NCOR1: variants seen among roughly 807,000 people sequenced by gnomAD.
NCOR1 encodes nuclear receptor corepressor 1, also known as protein phosphatase 1, regulatory subunit 109.
In NCOR1, 63 loss-of-function variants were observed where a neutral mutation model predicts 288.1. That is an observed-to-expected ratio of 0.22 (90% CI 0.18 to 0.27). NCOR1 has a LOEUF of 0.27. NCOR1 is among the 10% of genes least tolerant of loss of function. The pLI is 1.00. For synonymous variants in NCOR1, 1,007 were observed against 1,065.9 expected (o/e 0.94, Z 1.08); for missense variants, 2,397 against 3,019.2 (o/e 0.79, Z 4.83).
intron 1 of NCOR1, among the ~76,000 whole-genome samples, chr17:16,197,999 T>A (rs1434321426): frequency 6.6e-6 from 1 of 152,002 alleles, no homozygotes; most frequent in Non-Finnish European, 1.5e-5. Flanking sequence ...ACTCACACTT[T>A]TTCCCCTATG....
In NCOR1 at chr17:16,165,139, T is replaced by C; in HGVS notation, c.458A>G (p.His153Arg). Residue 153 changes from histidine to arginine, a missense_variant, in exon 5 of 46, where the codon CAT becomes CGT. His to Arg is a conservative substitution (Grantham distance 29). Transcript: ENST00000268712. ...AKKDPAFGGK[H>R]EAPSSPISGQ... ...CGAAATTGGAGAGGATGGAGCTTCATGTTTGCCTCCGAATGCTGGATCCTT... is the reference window on the plus strand; with the variant it reads ...CGAAATTGGAGAGGATGGAGCTTCACGTTTGCCTCCGAATGCTGGATCCTT... 2 of 1,598,084 alleles carry C rather than the reference T, an allele frequency of 1.3e-6. No homozygotes were observed. Among genetic ancestry groups the C allele is most frequent in the Non-Finnish European group, 8.5e-7 (1 of 1,176,422 alleles).
At chr17:16,183,230 C>CAAAAAAAAAAA (rs59665102) in intron 3 of NCOR1, among the ~76,000 whole-genome samples, 2 of 64,078 alleles carry the variant, frequency 3.1e-5, no homozygotes, top group African/African-American at 4.6e-5. Context: ...AGCAATCAAA[C>CAAAAAAAAAAA]AAAAAAAAAA....
At chr17:16,041,844 C>T (rs572118446) in intron 42 of NCOR1, among the ~76,000 whole-genome samples, 2 of 152,262 alleles carry the variant, frequency 1.3e-5, no homozygotes, top group South Asian at 4.1e-4. Context: ...TCACGCCACT[C>T]TCCTGCCTCA....
chr17:16,060,652 G>A (rs1346280893), intron 37 of NCOR1, among the ~76,000 whole-genome samples: 2 of 152,102 alleles, frequency 1.3e-5, no homozygotes, highest in African/African-American at 4.8e-5. Flanking sequence ...TTGCATTCTG[G>A]AGCATGAGAA....
intron 38 of NCOR1, 58 bp from the exon 39 acceptor site, chr17:16,058,122 T>A (rs754729990): frequency 6.4e-7 from 1 of 1,556,358 alleles, no homozygotes; most frequent in Admixed American, 1.7e-5. Flanking sequence ...TCACTCATTA[T>A]CAAAGATTAA....
chr17:16,137,072 G>A (rs1417318712), intron 14 of NCOR1, among the ~76,000 whole-genome samples: 1 of 151,700 alleles, frequency 6.6e-6, no homozygotes, highest in Non-Finnish European at 1.5e-5. Flanking sequence ...ATGACAGAAT[G>A]GTATAAAACT....
At chr17:16,116,761 A>G (rs1277640961) in intron 18 of NCOR1, among the ~76,000 whole-genome samples, 2 of 152,366 alleles carry the variant, frequency 1.3e-5, no homozygotes, top group East Asian at 1.9e-4. Flanking sequence ...CGAAGTATAA[A>G]AAGACATACT....
chr17:16,051,149 AT>A (rs1483728284), intron 40 of NCOR1, among the ~76,000 whole-genome samples: 1 of 152,100 alleles, frequency 6.6e-6, no homozygotes, highest in Non-Finnish European at 1.5e-5. Flanking sequence ...GCCTATTTTA[AT>A]TTTGTCCATT....
At chr17:16,035,524 CTT>C (rs1974221033) in intron 44 of NCOR1, among the ~76,000 whole-genome samples, 1 of 146,454 alleles carries the variant, frequency 6.8e-6, no homozygotes, top group African/African-American at 2.6e-5. Flanking sequence ...TACTAGTTCT[CTT>C]GTTCTTTTTT....
chr17:16,030,659 C>T lies in NCOR1; in HGVS notation c.*1637G>A, dbSNP rs772480306. ...CCTGATCTAAAGTTTATGTTGGGGA[C>T]CTCAGGTATACAGGAGTGGAACAGG... On this transcript the variant is annotated 3_prime_UTR_variant, in exon 46 of 46. Coordinates refer to ENST00000268712, the MANE Select transcript of NCOR1 (RefSeq NM_006311.4). 2.4e-4 allele frequency: 44 copies of T among 180,608 alleles called. 1 individual carries two copies. Among genetic ancestry groups the T allele is most frequent in the Non-Finnish European group, 4.7e-4 (40 of 84,634 alleles). The allele number at this position is 180,608 out of a possible 1,614,324, so 11.2% of individuals were successfully genotyped here. A position where few individuals can be genotyped will look rare whatever the true frequency, so the allele number is the denominator to read the frequency against.
rs1391053845 is a variant in NCOR1 at position 16,108,897 on chromosome 17, G to A, written c.2071C>T (p.Arg691Cys). Reference protein sequence around the residue: ...QHKQKTSRKPREERDVSQCES... With the variant: ...QHKQKTSRKPCEERDVSQCES... ...CATTGAGACACATCTCGCTCTTCAC[G>A]AGGTTTTCGTGAAGTCTAAAGGAGG... Residue 691 changes from arginine (R) to cysteine (C), a missense_variant, in exon 19 of 46, where the codon CGT becomes TGT. Coordinates refer to ENST00000268712, the MANE Select transcript of NCOR1 (RefSeq NM_006311.4). 1.9e-6 allele frequency: 3 copies of A among 1,590,988 alleles called. No homozygotes were observed. Among genetic ancestry groups the A allele is most frequent in the East Asian group, 2.2e-5 (1 of 44,458 alleles).
intron 2 of NCOR1, among the ~76,000 whole-genome samples, chr17:16,188,989 C>A (rs376736431): frequency 1.3e-5 from 2 of 151,726 alleles, no homozygotes; most frequent in Non-Finnish European, 2.9e-5. Flanking sequence ...GAAGCCACTG[C>A]ACTCCAGCCT....
At chr17:16,166,448 A>G (rs2082014221) in intron 4 of NCOR1, among the ~76,000 whole-genome samples, 1 of 152,176 alleles carries the variant, frequency 6.6e-6, no homozygotes, top group Admixed American at 6.5e-5. Flanking sequence ...TGGGATGCTG[A>G]CGCAGGCAGA....
chr17:16,063,163 A>G (rs2060718414), intron 35 of NCOR1, among the ~76,000 whole-genome samples: 1 of 152,040 alleles, frequency 6.6e-6, no homozygotes, highest in East Asian at 1.9e-4. Flanking sequence ...GCTTATATGA[A>G]TATTTATTTT....
At position 16,032,267 on chromosome 17, in the gene NCOR1, T is replaced by C; in HGVS notation, c.*29A>G. Reference sequence around the variant, plus strand: ...CCACAAAAACTAGAGATCCCTCTCCTGCACCCTGTTCCCCTCACTTTGTGC... The same window carrying C: ...CCACAAAAACTAGAGATCCCTCTCCCGCACCCTGTTCCCCTCACTTTGTGC... On this transcript the variant is annotated 3_prime_UTR_variant, in exon 46 of 46. Coordinates refer to ENST00000268712, the MANE Select transcript of NCOR1 (RefSeq NM_006311.4). 1.3e-6 allele frequency: 2 copies of C among 1,575,430 alleles called. No individual in the cohort carries two copies. Among genetic ancestry groups the C allele is most frequent in the Non-Finnish European group, 1.7e-6 (2 of 1,166,178 alleles).
At chr17:16,104,623 T>C (rs923389037) in intron 19 of NCOR1, among the ~76,000 whole-genome samples, 1 of 152,018 alleles carries the variant, frequency 6.6e-6, no homozygotes, top group Non-Finnish European at 1.5e-5. Flanking sequence ...AATTAAAAAA[T>C]TAGCTAGTCA....
intron 28 of NCOR1, among the ~76,000 whole-genome samples, chr17:16,072,974 A>G (rs968989058): frequency 6.6e-6 from 1 of 152,228 alleles, no homozygotes; most frequent in South Asian, 2.1e-4. Context: ...CCCTTAATTT[A>G]CAGAGGAAGA....
chr17:16,166,516 T>TA (rs1188503237), intron 4 of NCOR1, among the ~76,000 whole-genome samples: 2 of 151,746 alleles, frequency 1.3e-5, no homozygotes, highest in Non-Finnish European at 2.9e-5. Flanking sequence ...CCGTCTCTAC[T>TA]AAAAAATACA....
chr17:16,063,283 G>C (rs1056232584), intron 35 of NCOR1, among the ~76,000 whole-genome samples: 2 of 152,048 alleles, frequency 1.3e-5, no homozygotes, highest in African/African-American at 4.8e-5. Flanking sequence ...GGCTTCAAGG[G>C]ATCATCCTAC....
Sources: allele counts gnomAD v4.1 joint callset (sites outside exome capture counted in the v4.1 genomes callset), GRCh38; gene constraint gnomAD v4.1.1; transcripts MANE v1.5; gene names NCBI Gene and HGNC (gene_info 2026-07-23, HGNC 2026-07-21).